The following TLL2 variants were observed in gnomAD, a reference collection of about 807,000 sequenced individuals.
The protein encoded by TLL2 is tolloid-like protein 2.
In TLL2, 106 loss-of-function variants were observed where a neutral mutation model predicts 123.0. The observed-to-expected ratio is 0.86, with a 90% CI of 0.74 to 1.01. The LOEUF is 1.01. TLL2 is among the 50% of genes least tolerant of loss of function. The pLI is 0.00. For missense variants in TLL2, 1,332 were observed against 1,336.7 expected, an observed-to-expected ratio of 1.00 and a Z score of 0.06; for synonymous variants, 494 against 516.8, an observed-to-expected ratio of 0.96 and a Z score of 0.60.
At chr10:96,407,915 T>C (rs1484441562) in intron 9 of TLL2, among the ~76,000 whole-genome samples, 1 of 152,218 alleles carries the variant, frequency 6.6e-6, no homozygotes, top group African/African-American at 2.4e-5. Context: ...ACGCTGTCAC[T>C]CCTCTTTCAA....
At chr10:96,392,878 C>T (rs1846301820) in intron 13 of TLL2, among the ~76,000 whole-genome samples, 1 of 152,114 alleles carries the variant, frequency 6.6e-6, no homozygotes, top group Admixed American at 6.5e-5. Context: ...GGAGATTCTC[C>T]TGGATTATCT....
chr10:96,463,109 T>C (rs910615811), intron 2 of TLL2, among the ~76,000 whole-genome samples: 1 of 152,152 alleles, frequency 6.6e-6, no homozygotes, highest in South Asian at 2.1e-4. Flanking sequence ...TTCACGAATA[T>C]AAAATCTGTG....
chr10:96,413,395 C>A, intron 7 of TLL2, 79 bp from the exon 8 acceptor site: 1 of 1,539,410 alleles, frequency 6.5e-7, no homozygotes, highest in East Asian at 2.3e-5. Context: ...GGCTTCATTC[C>A]CTTGCCCATA....
intron 6 of TLL2, 37 bp downstream of exon 6, chr10:96,422,512 G>C (rs551910940): frequency 5.6e-6 from 9 of 1,610,744 alleles, no homozygotes; most frequent in African/African-American, 5.3e-5. Flanking sequence ...CCACCTTCTC[G>C]ACCGGTGCCT....
intron 2 of TLL2, among the ~76,000 whole-genome samples, chr10:96,471,776 C>G (rs930028014): frequency 1.3e-5 from 2 of 152,106 alleles, no homozygotes; most frequent in African/African-American, 2.4e-5. Context: ...CCTCCAAGGT[C>G]CTGATGCCCA....
intron 4 of TLL2, among the ~76,000 whole-genome samples, chr10:96,429,033 C>T (rs1431295001): frequency 1.3e-5 from 2 of 152,002 alleles, no homozygotes; most frequent in African/African-American, 2.4e-5. Flanking sequence ...TGACTCCTGA[C>T]CTCAGGTGAT....
intron 1 of TLL2, among the ~76,000 whole-genome samples, chr10:96,497,722 AC>A (rs543030609): frequency 3.3e-3 from 497 of 151,790 alleles, no homozygotes; most frequent in Non-Finnish European, 5.4e-3. Context: ...TGTTCCCTTA[AC>A]CCTGCATCTC....
chr10:96,445,542 C>G (rs541543271), intron 3 of TLL2, among the ~76,000 whole-genome samples: 1 of 152,322 alleles, frequency 6.6e-6, no homozygotes, highest in East Asian at 1.9e-4. Context: ...ACCTCCCCCA[C>G]AATCCCCACT....
chr10:96,370,160 C>T lies in TLL2; in HGVS notation c.2818G>A (p.Val940Ile). The change falls in exon 20 of 21, where the codon GTT becomes ATT. Residue 940 changes from valine (V) to isoleucine (I), a missense_variant. Transcript: ENST00000357947. The stretch of plus-strand genomic sequence containing the variant: ...TAGCCGCAGTCGGCCTCCTCCTCAA[C>T]CTCAAAGGTCCGGAATGTCAGCTCC... ...GVELTFRTFE[V>I]EEEADCGYDY... The T allele has an allele frequency of 1.4e-5, 22 of 1,614,134 alleles. No individual in the cohort carries two copies. The highest frequency in any genetic ancestry group is 1.8e-5 in the Non-Finnish European group (21 of 1,180,002).
Position 96,366,564 on chromosome 10 carries a change from T to C in TLL2, c.*1524A>G, listed in dbSNP as rs567265260. ...TCATTCTAGTTTTTGCTCCCAGCAA[T>C]CACTTTAATGAGACACAGTCCTCTG... On this transcript the variant is annotated 3_prime_UTR_variant, in exon 21 of 21. Coordinates refer to ENST00000357947, the MANE Select transcript of TLL2 (RefSeq NM_012465.4). 3 of 152,790 alleles carry C rather than the reference T, an allele frequency of 2.0e-5. No homozygotes were observed. In the East Asian group the frequency reaches 5.8e-4, roughly 29 times the overall value. 9.5% of individuals were successfully genotyped at this position (152,790 alleles called of 1,614,324 possible).
intron 2 of TLL2, among the ~76,000 whole-genome samples, chr10:96,461,301 T>C (rs989581299): frequency 6.6e-6 from 1 of 151,704 alleles, no homozygotes; most frequent in African/African-American, 2.4e-5. Flanking sequence ...TCAGGCAGAG[T>C]CCATGGTCCA....
chr10:96,471,789 G>A (rs1178389852), intron 2 of TLL2, among the ~76,000 whole-genome samples: 1 of 152,134 alleles, frequency 6.6e-6, no homozygotes, highest in African/African-American at 2.4e-5. Context: ...GATGCCCATG[G>A]TCGCAGCTCC....
intron 1 of TLL2, among the ~76,000 whole-genome samples, chr10:96,508,300 AG>A (rs536653751): frequency 4.5e-4 from 69 of 152,326 alleles, no homozygotes; most frequent in Admixed American, 2.2e-3. Context: ...CAGTAACATG[AG>A]GGCTGCTGGC....
chr10:96,503,168 A>G (rs560307081), intron 1 of TLL2, among the ~76,000 whole-genome samples: 6 of 152,182 alleles, frequency 3.9e-5, no homozygotes, highest in Non-Finnish European at 7.3e-5. Context: ...CACTTGCCAC[A>G]TGCTATGTAT....
chr10:96,418,214 G>GA (rs1461503199), intron 7 of TLL2, among the ~76,000 whole-genome samples: 5 of 150,832 alleles, frequency 3.3e-5, no homozygotes, highest in South Asian at 4.2e-4. Flanking sequence ...AGCAATCCTA[G>GA]AAAAAAAAAT....
chr10:96,376,522 G>A (rs968659495), intron 18 of TLL2, among the ~76,000 whole-genome samples, 170 bp downstream of exon 18: 11 of 152,346 alleles, frequency 7.2e-5, no homozygotes, highest in African/African-American at 2.4e-4. Flanking sequence ...ACAACAGCCC[G>A]ATGAAGTAGG....
At chr10:96,488,631 G>A (rs1847381006) in intron 1 of TLL2, among the ~76,000 whole-genome samples, 1 of 152,210 alleles carries the variant, frequency 6.6e-6, no homozygotes, top group South Asian at 2.1e-4. Flanking sequence ...CAGCCTTCAA[G>A]CAAGAGTGGC....
chr10:96,478,712 C>T (rs562651426), intron 2 of TLL2, among the ~76,000 whole-genome samples: 1 of 152,322 alleles, frequency 6.6e-6, no homozygotes, highest in Non-Finnish European at 1.5e-5. Flanking sequence ...AGAAACCAGA[C>T]ACAGTAATAC....
At chr10:96,399,317 G>A (rs554758107) in intron 10 of TLL2, among the ~76,000 whole-genome samples, 14 of 152,244 alleles carry the variant, frequency 9.2e-5, no homozygotes, top group Admixed American at 7.9e-4. Context: ...GATATGTCAC[G>A]GGTACTCTTA....
Sources: allele counts gnomAD v4.1 joint callset (sites outside exome capture counted in the v4.1 genomes callset), GRCh38; gene constraint gnomAD v4.1.1; transcripts MANE v1.5; gene names NCBI Gene and HGNC (gene_info 2026-07-23, HGNC 2026-07-21).